Variants in NUP205 observed in about 807,000 individuals in gnomAD.
NUP205 encodes the protein nuclear pore complex protein Nup205.
Under a neutral mutation model 253.8 loss-of-function variants are expected in NUP205, and 76 were observed. That is an observed-to-expected ratio of 0.30 (90% CI 0.25 to 0.36). The LOEUF (loss-of-function observed/expected upper bound fraction) is 0.36, where lower values mean the gene tolerates loss of function less well. NUP205 is among the 10% of genes least tolerant of loss of function. The pLI, the probability that NUP205 is intolerant of heterozygous loss-of-function variation, is 1.00. For missense variants in NUP205, 2,162 were observed against 2,425.5 expected, an observed-to-expected ratio of 0.89 and a Z score of 2.28; for synonymous variants, 832 against 850.1, an observed-to-expected ratio of 0.98 and a Z score of 0.37.
chr7:135,639,806 C>A (rs1030370125), intron 38 of NUP205, among the ~76,000 whole-genome samples: 1 of 152,124 alleles, frequency 6.6e-6, no homozygotes, highest in African/African-American at 2.4e-5. Context: ...TTGGAACCAA[C>A]CCAAATGTCC....
rs371562580 is a variant in NUP205 at position 135,607,433 on chromosome 7, C to T, written c.3195+62C>T. On this transcript the variant is annotated intron_variant, in intron 22 of 42. Transcript: ENST00000285968. The stretch of plus-strand genomic sequence containing the variant: ...AGAAACTTGACCAGGTGCATGAGTA[C>T]GCCACAGATATGACAGTATAACAGC... 1.5e-3 allele frequency: 2,295 copies of T among 1,567,042 alleles called. 52 individuals carry two copies. In the South Asian group the frequency reaches 0.025, roughly 17 times the overall value.
intron 27 of NUP205, among the ~76,000 whole-genome samples, chr7:135,617,979 A>G (rs1794395465): frequency 1.3e-5 from 2 of 151,936 alleles, no homozygotes; most frequent in Non-Finnish European, 2.9e-5. Flanking sequence ...TGTCATCACA[A>G]GTGGAAAGTT....
At position 135,643,173 on chromosome 7, in the gene NUP205, A is replaced by T; in HGVS notation, c.5393-19A>T. 3.1e-6 allele frequency: 5 copies of T among 1,602,838 alleles called. No homozygotes were observed. Among genetic ancestry groups the T allele is most frequent in the Non-Finnish European group, 4.3e-6 (5 of 1,173,686 alleles). ...ATGCTTATAAGTGGAACATTGTTTTATGTCATCACCTCTATTAGATACCCA... is the reference window on the plus strand; with the variant it reads ...ATGCTTATAAGTGGAACATTGTTTTTTGTCATCACCTCTATTAGATACCCA... On this transcript the variant is annotated intron_variant, in intron 38 of 42. Coordinates refer to ENST00000285968, the MANE Select transcript of NUP205 (RefSeq NM_015135.3).
At chr7:135,602,680 G>T (rs1793989742) in intron 17 of NUP205, 125 bp from the exon 18 acceptor site, 6 of 751,412 alleles carry the variant, frequency 8.0e-6, no homozygotes, top group Non-Finnish European at 1.3e-5. Context: ...CTGAAAGTTG[G>T]AAACAAGAGT....
Position 135,619,891 on chromosome 7 carries a change from A to G in NUP205, c.4330+3A>G. The G allele has an allele frequency of 6.4e-7, 1 of 1,566,612 alleles. No homozygotes were observed. Among genetic ancestry groups the G allele is most frequent in the Non-Finnish European group, 8.8e-7 (1 of 1,141,156 alleles). On this transcript the variant is annotated splice_donor_region_variant and intron_variant, in intron 30 of 42. Transcript: ENST00000285968. ...TGAACCAGACACCTTAGAAGCAGGT[A>G]GAATGAGATCAATTCCTAATCTTTT...
At position 135,594,613 on chromosome 7, in the gene NUP205, C is replaced by G. The variant is rs780345716; in HGVS notation, c.1897C>G (p.Leu633Val). The stretch of plus-strand genomic sequence containing the variant: ...GACCCCTGTTGTGGTGATTCTGGGA[C>G]TCCTCCAATGCAGTATTCCCCCTGT... Reference protein sequence around the residue: ...QWTPVVVILGLLQCSIPPVLK... With the variant: ...QWTPVVVILGVLQCSIPPVLK... The change falls in exon 13 of 43, where the codon CTC becomes GTC. Residue 633 changes from leucine (L) to valine (V), a missense_variant. Leu to Val is a conservative substitution (Grantham distance 32). This residue lies in a region of NUP205 where 892 missense variants were observed against 957.1 expected (regional missense o/e 0.93). Coordinates refer to ENST00000285968, the MANE Select transcript of NUP205 (RefSeq NM_015135.3). 1.2e-6 allele frequency: 2 copies of G among 1,613,424 alleles called. No homozygotes were observed. Among genetic ancestry groups the G allele is most frequent in the Non-Finnish European group, 1.7e-6 (2 of 1,179,546 alleles).
chr7:135,648,690 G>A lies in NUP205; in HGVS notation c.*134G>A. On this transcript the variant is annotated 3_prime_UTR_variant, in exon 43 of 43. Coordinates refer to ENST00000285968, the MANE Select transcript of NUP205 (RefSeq NM_015135.3). ...TTCTTTGTATATGGACATCTTTTCT[G>A]TAAACTTCTTCCCCTAGTTCCATCC... 1.7e-6 allele frequency: 1 copy of A among 577,280 alleles called. No individual in the cohort carries two copies. The highest frequency in any genetic ancestry group is 2.7e-6 in the Non-Finnish European group (1 of 373,512). The allele number at this position is 577,280 out of a possible 1,614,324, so 35.8% of individuals were successfully genotyped here.
rs759829106 is a variant in NUP205 at position 135,618,985 on chromosome 7, CCTTTCTTTCTTT to C, written c.3963+394_3963+405del. Among the ~76,000 whole-genome samples, 13 of 152,090 alleles carry C rather than the reference CCTTTCTTTCTTT, an allele frequency of 8.5e-5. No homozygotes were observed. In the South Asian group the frequency reaches 1.0e-3, roughly 12 times the overall value. On this transcript the variant is annotated intron_variant, in intron 28 of 42. Transcript: ENST00000285968. Reference sequence around the variant, plus strand: ...TAAATTTCTCTGTATATATTAGATTCCTTTCTTTCTTTCTTTCTTTCTTGACTAATTTCTGTA... The same window carrying C: ...TAAATTTCTCTGTATATATTAGATTCCTTTCTTTCTTGACTAATTTCTGTA...
intron 38 of NUP205, among the ~76,000 whole-genome samples, chr7:135,642,866 G>GTGTGTGTGTT (rs1290440236): frequency 2.2e-4 from 30 of 137,594 alleles, no homozygotes; most frequent in Non-Finnish European, 3.3e-4. Context: ...GTGTGTGTGT[G>GTGTGTGTGTT]TGTGTGTGTG....
At position 135,615,959 on chromosome 7, in the gene NUP205, A is replaced by G. The variant is rs1158432025; in HGVS notation, c.3354A>G (p.Lys1118=). The G allele has an allele frequency of 1.2e-6, 2 of 1,613,706 alleles. No individual in the cohort carries two copies. The highest frequency in any genetic ancestry group is 2.2e-5 in the South Asian group (2 of 91,042). The change falls in exon 24 of 43, where the codon AAA becomes AAG. Residue 1118 remains lysine, a synonymous_variant. Coordinates refer to ENST00000285968, the MANE Select transcript of NUP205 (RefSeq NM_015135.3). The part of the protein sequence containing the change: ...SMLNQMSWLM[K]TASIELRVTS... Reference sequence around the variant, plus strand: ...TGAACCAGATGTCATGGCTTATGAAAACTGCCTCAATAGAGCTAAGGGTAA... The same window carrying G: ...TGAACCAGATGTCATGGCTTATGAAGACTGCCTCAATAGAGCTAAGGGTAA...
rs371396359 is a variant in NUP205, at chr7:135,587,962, G to T, written c.1443G>T (p.Gly481=). ...CGACTATCATGGGCTCTTATCTAGG[G>T]GTGGCTCATCAGCGGCCCCCTCAAC... ...QTPTIMGSYL[G]VAHQRPPQRQ... Residue 481 remains glycine (G), a synonymous_variant, in exon 10 of 43, where the codon GGG becomes GGT. Coordinates refer to ENST00000285968, the MANE Select transcript of NUP205 (RefSeq NM_015135.3). 3.1e-6 allele frequency: 5 copies of T among 1,613,668 alleles called. No individual in the cohort carries two copies. Among genetic ancestry groups the T allele is most frequent in the East Asian group, 2.2e-5 (1 of 44,872 alleles).
intron 22 of NUP205, among the ~76,000 whole-genome samples, chr7:135,611,885 C>T (rs1165559977): frequency 3.3e-5 from 5 of 152,104 alleles, no homozygotes; most frequent in South Asian, 4.1e-4. Context: ...GAGGCTGAGG[C>T]GGGTGGATCA....
chr7:135,590,061 T>TTA (rs1248049931), intron 10 of NUP205, among the ~76,000 whole-genome samples: 1 of 151,360 alleles, frequency 6.6e-6, no homozygotes, highest in East Asian at 1.9e-4. Context: ...ACATCTTAAG[T>TTA]TAACATCTTA....
chr7:135,580,350 C>A (rs557426822), intron 7 of NUP205, among the ~76,000 whole-genome samples: 2 of 152,144 alleles, frequency 1.3e-5, no homozygotes, highest in African/African-American at 4.8e-5. Flanking sequence ...TTTACATTCC[C>A]GTACAAATTC....
chr7:135,557,999 T>C lies in NUP205; in HGVS notation c.28+27T>C, dbSNP rs117892953. ...TAAGTGTGGCCAGACAGAAAGACGA[T>C]TGAGCTGAGCGATAACCAGGTCTTC... On this transcript the variant is annotated intron_variant, in intron 1 of 42. Transcript: ENST00000285968. 32,064 of 1,601,062 alleles carry C rather than the reference T, an allele frequency of 0.02. 400 individuals carry two copies. Among genetic ancestry groups the C allele is most frequent in the Non-Finnish European group, 0.023 (26,787 of 1,168,092 alleles).
intron 24 of NUP205, 117 bp downstream of exon 24, chr7:135,616,182 A>G: frequency 2.1e-6 from 2 of 943,582 alleles, no homozygotes; most frequent in South Asian, 4.6e-5. Flanking sequence ...TCACTTTTAG[A>G]ATTTTTTTTT....
At chr7:135,577,242 G>A in intron 5 of NUP205, 114 bp downstream of exon 5, 1 of 1,008,464 alleles carries the variant, frequency 9.9e-7, no homozygotes. Flanking sequence ...TACCATGCCT[G>A]ATTGCCACTT....
chr7:135,587,975 C>T lies in NUP205; in HGVS notation c.1456C>T (p.Arg486Trp), dbSNP rs766258841. ...CTCTTATCTAGGGGTGGCTCATCAG[C>T]GGCCCCCTCAACGCCAGGTGAGTCT... ...MGSYLGVAHQ[R>W]PPQRQVVLSK... The change falls in exon 10 of 43, where the codon CGG (arginine) becomes TGG (tryptophan). Residue 486 changes from arginine to tryptophan, a missense_variant. Arg to Trp is a moderately radical substitution (Grantham distance 101). Coordinates refer to ENST00000285968, the MANE Select transcript of NUP205 (RefSeq NM_015135.3). 45 of 1,612,860 alleles carry T rather than the reference C, an allele frequency of 2.8e-5. No homozygotes were observed. In the South Asian group the frequency reaches 3.3e-4, roughly 12 times the overall value.
chr7:135,634,466 C>A (rs1794772355), intron 35 of NUP205, among the ~76,000 whole-genome samples: 1 of 152,048 alleles, frequency 6.6e-6, no homozygotes. Flanking sequence ...GCGTTAGGTG[C>A]AAAATCAAGG....
Sources: gnomAD v4.1 joint callset for allele counts (sites outside exome capture counted in the v4.1 genomes callset) on GRCh38, gnomAD v4.1.1 for gene constraint, gnomAD v4.1.1 regional missense constraint, MANE v1.5 for transcripts, NCBI Gene and HGNC (gene_info 2026-07-23, HGNC 2026-07-21) for gene names.